The following PLCG2 variants were observed in gnomAD, a reference collection of about 807,000 sequenced individuals.
PLCG2 encodes the protein 1-phosphatidylinositol 4,5-bisphosphate phosphodiesterase gamma-2.
Under a neutral mutation model 175.6 loss-of-function variants are expected in PLCG2, and 69 were observed. That is an observed-to-expected ratio of 0.39 (90% CI 0.32 to 0.48). The LOEUF (loss-of-function observed/expected upper bound fraction) is 0.48, where lower values mean the gene tolerates loss of function less well. Ranked by LOEUF, PLCG2 falls within the 20% of genes least tolerant of loss-of-function variation. The pLI is 0.91. For missense variants in PLCG2, 1,798 were observed against 1,650.9 expected, an observed-to-expected ratio of 1.09 and a Z score of -1.54; for synonymous variants, 827 against 624.0, an observed-to-expected ratio of 1.33 and a Z score of -4.85.
At chr16:81,939,603 CAA>C (rs1910855399) in intron 29 of PLCG2, among the ~76,000 whole-genome samples, 1 of 101,356 alleles carries the variant, frequency 9.9e-6, no homozygotes, top group African/African-American at 5.0e-5. Context: ...TCCTGCTCTG[CAA>C]ACAAACACCT....
intron 2 of PLCG2, among the ~76,000 whole-genome samples, chr16:81,848,160 G>A (rs144402001): frequency 2.0e-4 from 30 of 152,334 alleles, no homozygotes; most frequent in African/African-American, 2.6e-4. Flanking sequence ...GATCAAGAGC[G>A]CAGAAATAGA....
At chr16:81,740,710 GC>G in intron 1 of PLCG2, 2 of 105,518 alleles carry the variant, frequency 1.9e-5, no homozygotes, top group Non-Finnish European at 1.7e-5. Flanking sequence ...AGGCAACAGA[GC>G]CAGACTCCAT....
chr16:81,870,770 C>G, intron 6 of PLCG2, 82 bp from the exon 7 acceptor site: 2 of 713,956 alleles, frequency 2.8e-6, no homozygotes, highest in Non-Finnish European at 4.6e-6. Context: ...ATTTCTGAAA[C>G]AAAAATTATT....
intron 2 of PLCG2, among the ~76,000 whole-genome samples, chr16:81,817,473 G>A (rs943722311): frequency 1.3e-5 from 2 of 152,190 alleles, no homozygotes; most frequent in Non-Finnish European, 2.9e-5. Context: ...GGGGTGCTGC[G>A]CAAGGCACTA....
Position 81,960,862 on chromosome 16 carries a change from G to T in PLCG2, c.*2864G>T, listed in dbSNP as rs991633646. On this transcript the variant is annotated 3_prime_UTR_variant, in exon 33 of 33. Transcript: ENST00000564138. ...TACACAGACTCCAGTACTCTCAGGGGAGCAGTGTTCAGAGCCTCATCTTCC... is the reference window on the plus strand; with the variant it reads ...TACACAGACTCCAGTACTCTCAGGGTAGCAGTGTTCAGAGCCTCATCTTCC... 4.3e-6 allele frequency: 1 copy of T among 230,000 alleles called. No homozygotes were observed. Among genetic ancestry groups the T allele is most frequent in the Non-Finnish European group, 8.6e-6 (1 of 116,066 alleles). 14.2% of individuals were successfully genotyped at this position (230,000 alleles called of 1,614,324 possible). A position where few individuals can be genotyped will look rare whatever the true frequency, so the allele number is the denominator to read the frequency against.
chr16:81,903,958 G>T (rs1909258203), intron 14 of PLCG2, among the ~76,000 whole-genome samples: 2 of 152,178 alleles, frequency 1.3e-5, no homozygotes, highest in African/African-American at 4.8e-5. Context: ...ACTTGGCTAG[G>T]CGTGGTCATA....
chr16:81,922,424 G>T (rs1387077573), intron 21 of PLCG2, among the ~76,000 whole-genome samples: 1 of 152,150 alleles, frequency 6.6e-6, no homozygotes, highest in African/African-American at 2.4e-5. Context: ...ATACCTTAAG[G>T]CTTGGAATAA....
At chr16:81,957,000 G>A (rs1192560188) in intron 32 of PLCG2, 121 bp downstream of exon 32, 21 of 784,102 alleles carry the variant, frequency 2.7e-5, no homozygotes, top group African/African-American at 2.3e-4. Context: ...ATCCTTGGCC[G>A]GGCATGGTGG....
At chr16:81,949,170 C>G (rs1911269975) in intron 31 of PLCG2, among the ~76,000 whole-genome samples, 1 of 152,092 alleles carries the variant, frequency 6.6e-6, no homozygotes, top group South Asian at 2.1e-4. Context: ...ATGCCAAGGA[C>G]CTAATATGAA....
chr16:81,955,751 G>C (rs193284146), intron 31 of PLCG2, among the ~76,000 whole-genome samples: 4 of 152,302 alleles, frequency 2.6e-5, no homozygotes, highest in Admixed American at 2.6e-4. Context: ...AAAGTCCCAC[G>C]GATGCGTCTA....
intron 24 of PLCG2, among the ~76,000 whole-genome samples, chr16:81,930,150 A>T (rs1044865218): frequency 3.7e-4 from 57 of 152,256 alleles, no homozygotes; most frequent in African/African-American, 1.2e-3. Context: ...CAGCCTGGAT[A>T]ATGTAGCAAG....
intron 2 of PLCG2, among the ~76,000 whole-genome samples, chr16:81,853,426 T>A (rs750811991): frequency 1.3e-5 from 2 of 152,122 alleles, no homozygotes; most frequent in African/African-American, 2.4e-5. Flanking sequence ...ACCTTTTTGG[T>A]ACCAGTGACC....
intron 2 of PLCG2, among the ~76,000 whole-genome samples, chr16:81,810,149 G>C (rs550610868): frequency 2.0e-5 from 3 of 152,116 alleles, no homozygotes; most frequent in East Asian, 3.9e-4. Context: ...TCACCACCAC[G>C]CCCAGCTAAT....
chr16:81,900,405 T>A (rs760472032), intron 13 of PLCG2, among the ~76,000 whole-genome samples: 13 of 152,220 alleles, frequency 8.5e-5, no homozygotes, highest in Admixed American at 6.5e-4. Flanking sequence ...AGCTCCTGAA[T>A]CAGATCGCAG....
At chr16:81,760,589 C>T (rs1040257931) in intron 2 of PLCG2, among the ~76,000 whole-genome samples, 1 of 151,546 alleles carries the variant, frequency 6.6e-6, no homozygotes, top group Non-Finnish European at 1.5e-5. Context: ...TGCTGGGCAC[C>T]CAAAAAGAAT....
chr16:81,827,487 C>T (rs184238553), intron 2 of PLCG2, among the ~76,000 whole-genome samples: 1 of 152,130 alleles, frequency 6.6e-6, no homozygotes, highest in Admixed American at 6.6e-5. Flanking sequence ...CTGTACCCGG[C>T]CTGCATTTAT....
intron 18 of PLCG2, among the ~76,000 whole-genome samples, chr16:81,912,343 G>A (rs1472907636): frequency 1.3e-5 from 2 of 152,384 alleles, no homozygotes; most frequent in East Asian, 1.9e-4. Flanking sequence ...TGGGATTTCA[G>A]GTGTGAACCA....
intron 25 of PLCG2, 60 bp downstream of exon 25, chr16:81,931,714 G>A (rs1029814583): frequency 5.3e-6 from 8 of 1,509,890 alleles, no homozygotes; most frequent in Non-Finnish European, 7.3e-6. Flanking sequence ...TTGGTGCTCA[G>A]TTGGGACTGT....
chr16:81,910,916 C>T (rs1317402334), intron 18 of PLCG2, among the ~76,000 whole-genome samples, 196 bp downstream of exon 18: 1 of 152,224 alleles, frequency 6.6e-6, no homozygotes, highest in Non-Finnish European at 1.5e-5. Flanking sequence ...TCTTTTCTTT[C>T]TTTCCTCCCC....
Sources: allele counts gnomAD v4.1 joint callset (sites outside exome capture counted in the v4.1 genomes callset), GRCh38; gene constraint gnomAD v4.1.1; transcripts MANE v1.5; gene names NCBI Gene and HGNC (gene_info 2026-07-23, HGNC 2026-07-21).